TFCP2L1: variants seen among roughly 807,000 people sequenced by gnomAD.
TFCP2L1 encodes the protein transcription factor CP2-like protein 1.
In TFCP2L1, 12 loss-of-function variants were observed where a neutral mutation model predicts 72.2. That is an observed-to-expected ratio of 0.17 (90% CI 0.11 to 0.27). The LOEUF is 0.27. Ranked by LOEUF, TFCP2L1 falls within the 10% of genes least tolerant of loss-of-function variation. TFCP2L1 has a pLI of 1.00. For missense variants in TFCP2L1, 488 were observed against 624.6 expected (o/e 0.78, Z 2.33); for synonymous variants, 260 against 251.0 (o/e 1.04, Z -0.34).
Position 121,237,660 on chromosome 2 carries a change from C to T in TFCP2L1, c.966G>A (p.Arg322=). The T allele has an allele frequency of 6.2e-7, 1 of 1,614,202 alleles. No individual in the cohort carries two copies. Among genetic ancestry groups the T allele is most frequent in the Non-Finnish European group, 8.5e-7 (1 of 1,180,042 alleles). The part of the protein sequence containing the change: ...QDAQQWLHRN[R]FSQFCRLFAS... ...CAAAGAGCCGGCAGAACTGCGAGAACCTGTTGCGGTGAAGCCACTGCTGGG... is the reference window on the plus strand; with the variant it reads ...CAAAGAGCCGGCAGAACTGCGAGAATCTGTTGCGGTGAAGCCACTGCTGGG... The change falls in exon 10 of 15, where the codon AGG becomes AGA. Residue 322 remains arginine (R), a synonymous_variant. Transcript: ENST00000263707.
chr2:121,227,880 GC>G (rs1686061727), intron 13 of TFCP2L1, among the ~76,000 whole-genome samples: 1 of 152,112 alleles, frequency 6.6e-6, no homozygotes, highest in Non-Finnish European at 1.5e-5. Flanking sequence ...CTCCCACAGG[GC>G]CTAATGATGC....
intron 8 of TFCP2L1, among the ~76,000 whole-genome samples, 180 bp downstream of exon 8, chr2:121,239,378 A>G (rs1686315327): frequency 6.6e-6 from 1 of 152,202 alleles, no homozygotes; most frequent in South Asian, 2.1e-4. Flanking sequence ...GACAACGTTT[A>G]CAGGGGTGTT....
At chr2:121,256,029 C>A (rs1011851591) in intron 2 of TFCP2L1, among the ~76,000 whole-genome samples, 2 of 152,166 alleles carry the variant, frequency 1.3e-5, no homozygotes, top group African/African-American at 4.8e-5. Context: ...GCGTGAGCCA[C>A]CGTGCCCGGC....
At position 121,240,147 on chromosome 2, in the gene TFCP2L1, GC is replaced by G. The variant is rs547644964; in HGVS notation, c.769-499del. 10 of 985,236 alleles carry G rather than the reference GC, an allele frequency of 1.0e-5. No homozygotes were observed. In the African/African-American group the frequency reaches 1.7e-4, roughly 17 times the overall value. The allele number at this position is 985,236 out of a possible 1,614,324, so 61.0% of individuals were successfully genotyped here. A position where few individuals can be genotyped will look rare whatever the true frequency, so the allele number is the denominator to read the frequency against. On this transcript the variant is annotated intron_variant, in intron 7 of 14. Coordinates refer to ENST00000263707, the MANE Select transcript of TFCP2L1 (RefSeq NM_014553.3). The stretch of plus-strand genomic sequence containing the variant: ...TCTGCTGACAGGGGCGGAGGCTCTT[GC>G]ACAATCACCAAAAGCAGCTCCTCTC...
intron 3 of TFCP2L1, among the ~76,000 whole-genome samples, chr2:121,249,339 T>A (rs1049083980): frequency 7.9e-5 from 12 of 152,200 alleles, no homozygotes; most frequent in African/African-American, 2.9e-4. Context: ...TTTGTGCAGA[T>A]GAGCAAACTG....
chr2:121,274,463 G>A (rs969948968), intron 2 of TFCP2L1, among the ~76,000 whole-genome samples: 1 of 152,056 alleles, frequency 6.6e-6, no homozygotes, highest in Non-Finnish European at 1.5e-5. Context: ...TTAAAATATT[G>A]CATAAAATTA....
At chr2:121,250,537 T>C (rs1686586452) in intron 2 of TFCP2L1, among the ~76,000 whole-genome samples, 1 of 152,010 alleles carries the variant, frequency 6.6e-6, no homozygotes, top group Admixed American at 6.6e-5. Flanking sequence ...GACTGTAGCA[T>C]ATATCGCAAT....
chr2:121,249,095 G>A lies in TFCP2L1; in HGVS notation c.292-8C>T. On this transcript the variant is annotated splice_polypyrimidine_tract_variant and splice_region_variant and intron_variant, in intron 3 of 14. Coordinates refer to ENST00000263707, the MANE Select transcript of TFCP2L1 (RefSeq NM_014553.3). ...GACCACACGGATGATGCTCTGGGGA[G>A]GGAGGCCAGCAGGGAAACAAGTGAC... The A allele has an allele frequency of 6.4e-7, 1 of 1,554,074 alleles. No individual in the cohort carries two copies. The highest frequency in any genetic ancestry group is 1.2e-5 in the South Asian group (1 of 83,520).
intron 6 of TFCP2L1, among the ~76,000 whole-genome samples, chr2:121,246,559 C>T (rs1010709508): frequency 6.6e-6 from 1 of 152,232 alleles, no homozygotes; most frequent in Admixed American, 6.5e-5. Flanking sequence ...ACAGCCAGGA[C>T]GGACATCCAT....
intron 2 of TFCP2L1, among the ~76,000 whole-genome samples, chr2:121,259,511 G>A (rs1189693173): frequency 2.0e-5 from 3 of 152,120 alleles, no homozygotes; most frequent in Non-Finnish European, 2.9e-5. Flanking sequence ...TGAATCTGAT[G>A]GAGGATATAC....
At position 121,251,173 on chromosome 2, in the gene TFCP2L1, T is replaced by C. The variant is rs934943; in HGVS notation, c.215-1526A>G. Reference sequence around the variant, plus strand: ...CAGGAGACTGAGACAGGAGAATCACTTGAACCCGGGAGGCAGAGGTTGCAG... The same window carrying C: ...CAGGAGACTGAGACAGGAGAATCACCTGAACCCGGGAGGCAGAGGTTGCAG... On this transcript the variant is annotated intron_variant, in intron 2 of 14. Coordinates refer to ENST00000263707, the MANE Select transcript of TFCP2L1 (RefSeq NM_014553.3). Among the ~76,000 whole-genome samples the C allele has an allele frequency of 5.2e-3, 793 of 151,948 alleles. 10 individuals are homozygous for C. The highest frequency in any genetic ancestry group is 0.018 in the African/African-American group (728 of 41,468).
chr2:121,258,322 C>A (rs946052363), intron 2 of TFCP2L1, among the ~76,000 whole-genome samples: 10 of 152,194 alleles, frequency 6.6e-5, no homozygotes, highest in Non-Finnish European at 1.0e-4. Flanking sequence ...AGCGCCCAGC[C>A]ACCCCATCAC....
intron 2 of TFCP2L1, among the ~76,000 whole-genome samples, chr2:121,270,884 T>TA (rs1223892811): frequency 6.7e-6 from 1 of 150,050 alleles, no homozygotes; most frequent in Non-Finnish European, 1.5e-5. Flanking sequence ...ACACTTTTTT[T>TA]TTTTTTTTTT....
chr2:121,274,502 T>C (rs1687108040), intron 2 of TFCP2L1, among the ~76,000 whole-genome samples: 1 of 152,210 alleles, frequency 6.6e-6, no homozygotes, highest in South Asian at 2.1e-4. Flanking sequence ...AAGGTGTATA[T>C]GAAACATAAG....
chr2:121,247,842 C>T (rs1263672133), intron 5 of TFCP2L1, among the ~76,000 whole-genome samples: 2 of 152,138 alleles, frequency 1.3e-5, no homozygotes, highest in Non-Finnish European at 2.9e-5. Flanking sequence ...ATAATTCATT[C>T]AACAATAGAA....
Position 121,219,859 on chromosome 2 carries a change from C to A in TFCP2L1, c.*4482G>T, listed in dbSNP as rs1685898265. 6.6e-6 allele frequency: 1 copy of A among 152,070 alleles called. No individual in the cohort carries two copies. The highest frequency in any genetic ancestry group is 1.5e-5 in the Non-Finnish European group (1 of 68,034). The allele number at this position is 152,070 out of a possible 1,614,324, so 9.4% of individuals were successfully genotyped here. A position where few individuals can be genotyped will look rare whatever the true frequency, so the allele number is the denominator to read the frequency against. On this transcript the variant is annotated 3_prime_UTR_variant, in exon 15 of 15. Coordinates refer to ENST00000263707, the MANE Select transcript of TFCP2L1 (RefSeq NM_014553.3). ...GGTGCCATCTTCAGAGATCACCAAG[C>A]CTGTATTTGTAAGAGGAGGAGATAG...
In TFCP2L1 at chr2:121,237,606, A is replaced by T; in HGVS notation, c.1003+17T>A. 3 of 1,613,966 alleles carry T rather than the reference A, an allele frequency of 1.9e-6. No individual in the cohort carries two copies. The highest frequency in any genetic ancestry group is 2.5e-6 in the Non-Finnish European group (3 of 1,179,964). On this transcript the variant is annotated intron_variant, in intron 10 of 14. Coordinates refer to ENST00000263707, the MANE Select transcript of TFCP2L1 (RefSeq NM_014553.3). ...CAAGATACTCATGGGCTTTAAACACAGTTCGGAGATGCTCACCTGAGAAGC... is the reference window on the plus strand; with the variant it reads ...CAAGATACTCATGGGCTTTAAACACTGTTCGGAGATGCTCACCTGAGAAGC...
chr2:121,235,770 A>G (rs1029608825), intron 10 of TFCP2L1, among the ~76,000 whole-genome samples: 2 of 151,244 alleles, frequency 1.3e-5, no homozygotes, highest in African/African-American at 4.9e-5. Flanking sequence ...TGTCATCAGC[A>G]CAGGGCACTG....
At chr2:121,266,893 A>G (rs1376984513) in intron 2 of TFCP2L1, among the ~76,000 whole-genome samples, 1 of 123,682 alleles carries the variant, frequency 8.1e-6, no homozygotes, top group Non-Finnish European at 1.6e-5. Flanking sequence ...TTATTTATTT[A>G]TTTATTTATT....
Sources: allele counts gnomAD v4.1 joint callset (sites outside exome capture counted in the v4.1 genomes callset), GRCh38; gene constraint gnomAD v4.1.1; transcripts MANE v1.5; gene names NCBI Gene and HGNC (gene_info 2026-07-23, HGNC 2026-07-21).